The following MTAP variants were observed in gnomAD, a reference collection of about 807,000 sequenced individuals.
MTAP encodes methylthioadenosine phosphorylase.
In MTAP, 33 loss-of-function variants were observed where a neutral mutation model predicts 33.6. The ratio of observed to expected loss-of-function variants is 0.98; its 90% CI spans 0.74 to 1.31. The LOEUF is 1.31. MTAP is among the 40% of genes most tolerant of loss of function. MTAP has a pLI of 0.00. For synonymous variants in MTAP, 148 were observed against 125.7 expected (o/e 1.18, Z -1.19); for missense variants, 367 against 360.0 (o/e 1.02, Z -0.16).
intron 4 of MTAP, among the ~76,000 whole-genome samples, chr9:21,823,614 A>G (rs1042695309): frequency 3.9e-5 from 6 of 152,168 alleles, no homozygotes; most frequent in African/African-American, 7.2e-5. Context: ...CTCGAGGAGT[A>G]TCTTTGTGGC....
At chr9:21,883,406 A>G (rs1818049672) in intron 1 of MTAP, among the ~76,000 whole-genome samples, 1 of 152,114 alleles carries the variant, frequency 6.6e-6, no homozygotes, top group South Asian at 2.1e-4. Context: ...GTGGAGCATC[A>G]AGAGTTCTCA....
At chr9:21,811,757 G>A (rs558892840) in intron 1 of MTAP, 14 of 530,388 alleles carry the variant, frequency 2.6e-5, no homozygotes, top group Middle Eastern at 1.3e-3. Context: ...GCCCTCGCCC[G>A]TGTACCAGTA....
At chr9:21,827,886 C>A (rs955664526) in intron 4 of MTAP, among the ~76,000 whole-genome samples, 2 of 152,146 alleles carry the variant, frequency 1.3e-5, no homozygotes, top group South Asian at 2.1e-4. Flanking sequence ...GAGTGGAATA[C>A]AAAACTCCAT....
At chr9:21,817,481 A>G (rs1352267106) in intron 3 of MTAP, among the ~76,000 whole-genome samples, 2 of 151,860 alleles carry the variant, frequency 1.3e-5, no homozygotes, top group African/African-American at 4.8e-5. Flanking sequence ...GTTGTAGGAG[A>G]ATTCACTCCC....
chr9:21,818,432 A>G (rs747011447), intron 4 of MTAP, among the ~76,000 whole-genome samples: 5 of 147,724 alleles, frequency 3.4e-5, no homozygotes, highest in Non-Finnish European at 7.4e-5. Context: ...GGTTCAAGCA[A>G]TGCTTCTGTC....
chr9:21,856,239 A>C, intron 6 of MTAP: 2 of 904,506 alleles, frequency 2.2e-6, no homozygotes, highest in Non-Finnish European at 2.6e-6. Flanking sequence ...TGACATCTCC[A>C]AAGAGGCCTA....
At chr9:21,913,328 C>A (rs1015040287) in intron 1 of MTAP, among the ~76,000 whole-genome samples, 2 of 152,210 alleles carry the variant, frequency 1.3e-5, no homozygotes, top group African/African-American at 2.4e-5. Flanking sequence ...CAAGTCAATC[C>A]TAAGCCAAAA....
chr9:21,904,228 C>T (rs531102403), intron 1 of MTAP, among the ~76,000 whole-genome samples: 9 of 152,284 alleles, frequency 5.9e-5, no homozygotes, highest in African/African-American at 1.7e-4. Flanking sequence ...CTGATGTGGT[C>T]CTCTCCACGT....
intron 5 of MTAP, among the ~76,000 whole-genome samples, chr9:21,848,783 G>T (rs1365391740): frequency 6.6e-6 from 1 of 152,132 alleles, no homozygotes; most frequent in Non-Finnish European, 1.5e-5. Flanking sequence ...GGTAATGTCA[G>T]ATCTAACTGT....
rs1825806795 is a variant in MTAP at position 21,864,034 on chromosome 9, T to G, written c.*2020T>G. On this transcript the variant is annotated 3_prime_UTR_variant, in exon 8 of 8. Coordinates refer to ENST00000644715, the MANE Select transcript of MTAP (RefSeq NM_002451.4). Reference sequence around the variant, plus strand: ...ACGTGTGATTGTTTTCACTACAATATGATACATAGATGGTACCTTACTTTT... The same window carrying G: ...ACGTGTGATTGTTTTCACTACAATAGGATACATAGATGGTACCTTACTTTT... The G allele has an allele frequency of 1.0e-6, 1 of 985,618 alleles. No individual in the cohort carries two copies. The highest frequency in any genetic ancestry group is 1.7e-5 in the African/African-American group (1 of 57,372). The allele number at this position is 985,618 out of a possible 1,614,324, so 61.1% of individuals were successfully genotyped here.
At chr9:21,824,244 T>A (rs1044530251) in intron 4 of MTAP, among the ~76,000 whole-genome samples, 13 of 152,202 alleles carry the variant, frequency 8.5e-5, no homozygotes, top group African/African-American at 2.9e-4. Context: ...TATCTACCTT[T>A]GGTCTTTGAT....
intron 1 of MTAP, among the ~76,000 whole-genome samples, chr9:21,880,464 A>G (rs935779253): frequency 4.6e-5 from 7 of 152,120 alleles, no homozygotes; most frequent in Non-Finnish European, 1.0e-4. Context: ...AACTATTTCT[A>G]ATTCCCAGAC....
Position 21,865,359 on chromosome 9 carries a change from C to G in MTAP, c.*3345C>G. The G allele has an allele frequency of 3.6e-6, 3 of 842,622 alleles. No homozygotes were observed. Among genetic ancestry groups the G allele is most frequent in the Non-Finnish European group, 4.3e-6 (3 of 699,828 alleles). 52.2% of individuals were successfully genotyped at this position (842,622 alleles called of 1,614,324 possible). Reference sequence around the variant, plus strand: ...CTGAGGCCTTCCCAGCTATGTGGAACTGTGAGTTAATTAAACCTCTTTCCT... The same window carrying G: ...CTGAGGCCTTCCCAGCTATGTGGAAGTGTGAGTTAATTAAACCTCTTTCCT... On this transcript the variant is annotated 3_prime_UTR_variant, in exon 8 of 8. Coordinates refer to ENST00000644715, the MANE Select transcript of MTAP (RefSeq NM_002451.4).
At chr9:21,848,174 T>A (rs763483144) in intron 5 of MTAP, among the ~76,000 whole-genome samples, 1 of 152,170 alleles carries the variant, frequency 6.6e-6, no homozygotes, top group African/African-American at 2.4e-5. Flanking sequence ...CAAGATAATG[T>A]TGATTCTTCT....
chr9:21,810,400 G>A lies in MTAP; in HGVS notation c.34-5033G>A, dbSNP rs1824315960. ...AGGTTTATTTAAAAGAAATGAAAGG[G>A]AGACGAGGGAGATAGGAAAAGGAAA... On this transcript the variant is annotated intron_variant, in intron 1 of 7. Transcript: ENST00000644715. Among the ~76,000 whole-genome samples, 3 of 150,550 alleles carry A rather than the reference G, an allele frequency of 2.0e-5. No homozygotes were observed. In the South Asian group the frequency reaches 6.3e-4, roughly 31 times the overall value.
chr9:21,852,375 G>A (rs2118490350), intron 5 of MTAP, among the ~76,000 whole-genome samples: 1 of 152,194 alleles, frequency 6.6e-6, no homozygotes, highest in Non-Finnish European at 1.5e-5. Context: ...GCTGGCCGTG[G>A]TGGCGGGTGC....
At chr9:21,833,427 C>A (rs1426262832) in intron 4 of MTAP, among the ~76,000 whole-genome samples, 1 of 152,128 alleles carries the variant, frequency 6.6e-6, no homozygotes, top group Non-Finnish European at 1.5e-5. Flanking sequence ...TCAAGGGTTC[C>A]ACCCACCTTG....
At position 21,802,985 on chromosome 9, in the gene MTAP, AACACACACACACAC is replaced by A. The variant is rs753392319; in HGVS notation, c.33+243_33+256del. Reference sequence around the variant, plus strand: ...CAAATGATCCCCCTGCCGCACCGCCAACACACACACACACACACACACACACACACACACACACA... The same window carrying A: ...CAAATGATCCCCCTGCCGCACCGCCAACACACACACACACACACACACACA... On this transcript the variant is annotated intron_variant, in intron 1 of 7. Transcript: ENST00000644715. 5.5e-3 allele frequency: 2,454 copies of A among 444,912 alleles called. 8 individuals carry two copies. The highest frequency in any genetic ancestry group is 0.017 in the East Asian group (405 of 23,542). 27.6% of individuals were successfully genotyped at this position (444,912 alleles called of 1,614,324 possible).
chr9:21,911,138 T>C (rs986669715), intron 1 of MTAP, among the ~76,000 whole-genome samples: 32 of 152,128 alleles, frequency 2.1e-4, no homozygotes, highest in African/African-American at 7.7e-4. Context: ...AAGCAAGTCC[T>C]TAGAGACCTA....
Sources: allele counts gnomAD v4.1 joint callset (sites outside exome capture counted in the v4.1 genomes callset), GRCh38; gene constraint gnomAD v4.1.1; transcripts MANE v1.5; gene names NCBI Gene and HGNC (gene_info 2026-07-23, HGNC 2026-07-21).